The following SLC13A4 variants were observed in gnomAD, a reference collection of about 807,000 sequenced individuals.
SLC13A4 encodes the protein Na(+)/sulfate cotransporter SUT-1.
In SLC13A4, 28 loss-of-function variants were observed where a neutral mutation model predicts 72.7. The observed-to-expected ratio is 0.39, with a 90% CI of 0.29 to 0.53. SLC13A4 has a LOEUF of 0.53. Ranked by LOEUF, SLC13A4 falls within the 20% of genes least tolerant of loss-of-function variation. The pLI is 0.78. For missense variants in SLC13A4, 653 were observed against 788.0 expected (o/e 0.83, Z 2.05); for synonymous variants, 312 against 325.5 (o/e 0.96, Z 0.45).
At chr7:135,712,051 T>C (rs1389682783) in intron 2 of SLC13A4, among the ~76,000 whole-genome samples, 2 of 137,546 alleles carry the variant, frequency 1.5e-5, no homozygotes, top group Admixed American at 1.7e-4. Context: ...CTTAAACTCC[T>C]GACCTCAAGT....
At chr7:135,715,299 G>A (rs897199907) in intron 2 of SLC13A4, among the ~76,000 whole-genome samples, 9 of 144,744 alleles carry the variant, frequency 6.2e-5, no homozygotes, top group African/African-American at 1.9e-4. Context: ...GTGAGTGTAC[G>A]TATATCTAAG....
chr7:135,721,581 C>A, intron 1 of SLC13A4, 58 bp from the exon 2 acceptor site: 2 of 1,600,548 alleles, frequency 1.2e-6, no homozygotes, highest in Middle Eastern at 1.9e-4. Context: ...ACTGAGCGTC[C>A]GGATGCAACC....
At chr7:135,694,286 G>T in intron 9 of SLC13A4, 48 bp from the exon 10 acceptor site, 4 of 1,167,940 alleles carry the variant, frequency 3.4e-6, no homozygotes, top group Middle Eastern at 2.0e-4. Context: ...CACTTCTGAG[G>T]CCCAGAGATC....
chr7:135,709,778 T>C (rs1322411731), intron 2 of SLC13A4, among the ~76,000 whole-genome samples: 1 of 152,218 alleles, frequency 6.6e-6, no homozygotes, highest in African/African-American at 2.4e-5. Flanking sequence ...AGAAAAAACC[T>C]TTCTTGTGGC....
At chr7:135,698,048 T>G (rs1241475103) in intron 8 of SLC13A4, among the ~76,000 whole-genome samples, 1 of 152,216 alleles carries the variant, frequency 6.6e-6, no homozygotes, top group Non-Finnish European at 1.5e-5. Context: ...CTATTTATTT[T>G]TTGAGATGGA....
chr7:135,681,444 C>G lies in SLC13A4; in HGVS notation c.*119G>C. 7.7e-7 allele frequency: 1 copy of G among 1,302,556 alleles called. No individual in the cohort carries two copies. The highest frequency in any genetic ancestry group is 1.6e-5 in the South Asian group (1 of 60,680). The allele number at this position is 1,302,556 out of a possible 1,614,324, so 80.7% of individuals were successfully genotyped here. On this transcript the variant is annotated 3_prime_UTR_variant, in exon 16 of 16. Coordinates refer to ENST00000682651, the MANE Select transcript of SLC13A4 (RefSeq NM_001318192.2). ...CGGAATCTTCTGGTGGAGGGATGCCCTCCGGCGTGGGTCTGGGGTTGTGTG... is the reference window on the plus strand; with the variant it reads ...CGGAATCTTCTGGTGGAGGGATGCCGTCCGGCGTGGGTCTGGGGTTGTGTG...
chr7:135,713,293 G>C (rs1584736181), intron 2 of SLC13A4, among the ~76,000 whole-genome samples: 2 of 152,164 alleles, frequency 1.3e-5, no homozygotes, highest in African/African-American at 4.8e-5. Context: ...GTTTTTCTCA[G>C]TATGCCACAT....
chr7:135,689,948 G>C (rs55839540), intron 13 of SLC13A4, among the ~76,000 whole-genome samples: 5,379 of 152,204 alleles, frequency 0.035, 323 homozygotes, highest in African/African-American at 0.12. Flanking sequence ...GGGAGGCCAA[G>C]GTGGGTGGAT....
Position 135,721,488 on chromosome 7 carries a change from A to G in SLC13A4, c.135T>C (p.Ala45=), listed in dbSNP as rs756741387. The G allele has an allele frequency of 1.1e-5, 17 of 1,614,108 alleles. No homozygotes were observed. In the South Asian group the frequency reaches 1.9e-4, roughly 18 times the overall value. ...ASCAYVLIVT[A]VYWVSEAVPL... is the part of the protein sequence containing the mutation. ...GCACTGCCTCCGACACCCAGTACACAGCAGTCACGATCAGCACGTAAGCAC... is the reference window on the plus strand; with the variant it reads ...GCACTGCCTCCGACACCCAGTACACGGCAGTCACGATCAGCACGTAAGCAC... Residue 45 remains alanine (A), a synonymous_variant, in exon 2 of 16, where the codon GCT becomes GCC. Transcript: ENST00000682651.
At chr7:135,683,547 T>C in intron 15 of SLC13A4, 1 of 985,240 alleles carries the variant, frequency 1.0e-6, no homozygotes, top group Non-Finnish European at 1.2e-6. Flanking sequence ...AGAAGGTAGA[T>C]AGGCCCAGTG....
intron 1 of SLC13A4, among the ~76,000 whole-genome samples, chr7:135,723,654 C>T (rs1796592262): frequency 6.6e-6 from 1 of 152,090 alleles, no homozygotes; most frequent in Non-Finnish European, 1.5e-5. Context: ...GTTCAGAACA[C>T]GCGTCCTCAA....
chr7:135,692,446 C>T lies in SLC13A4; in HGVS notation c.1122-22G>A, dbSNP rs367933658. 790 of 1,551,942 alleles carry T rather than the reference C, an allele frequency of 5.1e-4. 1 individual carries two copies. Among genetic ancestry groups the T allele is most frequent in the Non-Finnish European group, 6.3e-4 (710 of 1,134,010 alleles). On this transcript the variant is annotated intron_variant, in intron 10 of 15. Coordinates refer to ENST00000682651, the MANE Select transcript of SLC13A4 (RefSeq NM_001318192.2). ...GTAGCTATAAAATAAAACAGAAAGA[C>T]CCACTCAGGAACTGAGAAATTTCTC...
At chr7:135,716,087 T>C (rs1191572960) in intron 2 of SLC13A4, among the ~76,000 whole-genome samples, 1 of 152,146 alleles carries the variant, frequency 6.6e-6, no homozygotes, top group Non-Finnish European at 1.5e-5. Context: ...AATTCCTTTA[T>C]GGCACTCTGA....
At chr7:135,705,451 T>TGGGGGGGGGGG (rs1221134336) in intron 5 of SLC13A4, 145 bp downstream of exon 5, 1 of 502,314 alleles carries the variant, frequency 2.0e-6, no homozygotes, top group African/African-American at 6.5e-5. Flanking sequence ...TGGGGGAGGT[T>TGGGGGGGGGGG]GGGCGGGGTG....
intron 2 of SLC13A4, among the ~76,000 whole-genome samples, chr7:135,715,313 GTGTA>G (rs1378096271): frequency 8.1e-6 from 1 of 123,010 alleles, no homozygotes; most frequent in Non-Finnish European, 1.6e-5. Context: ...ATCTAAGCAT[GTGTA>G]TGTGTGTGAG....
At chr7:135,698,091 G>A (rs1795943625) in intron 8 of SLC13A4, among the ~76,000 whole-genome samples, 1 of 152,054 alleles carries the variant, frequency 6.6e-6, no homozygotes, top group South Asian at 2.1e-4. Flanking sequence ...GGAGTGCTGT[G>A]GTGCGATCTC....
At chr7:135,687,891 A>G (rs908381600) in intron 13 of SLC13A4, among the ~76,000 whole-genome samples, 1 of 152,020 alleles carries the variant, frequency 6.6e-6, no homozygotes, top group African/African-American at 2.4e-5. Flanking sequence ...GCTCACTGCA[A>G]CCTCTGCCTC....
At chr7:135,690,554 T>C (rs1202799055) in intron 13 of SLC13A4, among the ~76,000 whole-genome samples, 1 of 152,184 alleles carries the variant, frequency 6.6e-6, no homozygotes, top group Non-Finnish European at 1.5e-5. Context: ...TATGTCTATC[T>C]CCTGTTACCA....
At chr7:135,687,124 C>T (rs747693693) in intron 13 of SLC13A4, among the ~76,000 whole-genome samples, 2 of 152,170 alleles carry the variant, frequency 1.3e-5, no homozygotes, top group Non-Finnish European at 2.9e-5. Context: ...AAGATGTTCA[C>T]CTGCAAATAG....
Sources: allele counts gnomAD v4.1 joint callset (sites outside exome capture counted in the v4.1 genomes callset), GRCh38; gene constraint gnomAD v4.1.1; transcripts MANE v1.5; gene names NCBI Gene and HGNC (gene_info 2026-07-23, HGNC 2026-07-21).